Variants in HLCS observed in about 807,000 individuals in gnomAD.
The protein encoded by HLCS is biotin--protein ligase.
A neutral mutation model predicts 75.0 loss-of-function variants in HLCS; 53 were observed. The observed-to-expected ratio is 0.71, with a 90% confidence interval of 0.57 to 0.89. HLCS has a LOEUF of 0.89. Ranked by LOEUF, HLCS falls within the 40% of genes least tolerant of loss-of-function variation. HLCS has a pLI of 0.00. For synonymous variants in HLCS, 431 were observed against 428.6 expected (o/e 1.01, Z -0.07); for missense variants, 966 against 1,074.0 (o/e 0.90, Z 1.41).
At chr21:36,777,999 C>T (rs557228352) in intron 6 of HLCS, among the ~76,000 whole-genome samples, 7 of 152,128 alleles carry the variant, frequency 4.6e-5, no homozygotes, top group Non-Finnish European at 7.4e-5. Context: ...GACACAGTCT[C>T]GCTCTGTCGC....
At chr21:36,824,018 G>C (rs532407222) in intron 6 of HLCS, among the ~76,000 whole-genome samples, 1 of 152,108 alleles carries the variant, frequency 6.6e-6, no homozygotes, top group Admixed American at 6.5e-5. Flanking sequence ...GGTGGCTCAC[G>C]CCTGTAATCC....
intron 2 of HLCS, chr21:36,948,287 T>C (rs1251271542): frequency 5.0e-5 from 5 of 99,474 alleles, no homozygotes; most frequent in Non-Finnish European, 1.0e-4. Context: ...CGACACTCCG[T>C]CTAGAAAAAA....
chr21:36,885,017 A>G (rs1484088913), intron 6 of HLCS, among the ~76,000 whole-genome samples: 4 of 152,238 alleles, frequency 2.6e-5, no homozygotes, highest in Non-Finnish European at 4.4e-5. Context: ...TTTCAAAAAA[A>G]GAGAAGGTTC....
chr21:36,850,890 G>C (rs1037106543), intron 6 of HLCS, among the ~76,000 whole-genome samples: 4 of 152,180 alleles, frequency 2.6e-5, no homozygotes, highest in South Asian at 2.1e-4. Context: ...GCCAGCCAGG[G>C]AAGCAAAGGG....
At chr21:36,938,711 C>A in intron 3 of HLCS, 121 bp downstream of exon 3, 1 of 979,110 alleles carries the variant, frequency 1.0e-6, no homozygotes, top group South Asian at 1.3e-5. Context: ...CTATGCTGCT[C>A]AGGCTGGTCT....
chr21:36,875,468 T>C (rs1028660895), intron 6 of HLCS, among the ~76,000 whole-genome samples: 11 of 152,194 alleles, frequency 7.2e-5, no homozygotes, highest in Non-Finnish European at 1.3e-4. Flanking sequence ...TGGACACATG[T>C]CGGGACAACC....
intron 5 of HLCS, among the ~76,000 whole-genome samples, chr21:36,924,977 T>A (rs74589113): frequency 0.048 from 7,285 of 151,868 alleles, 394 homozygotes; most frequent in African/African-American, 0.14. Context: ...ATATACAATT[T>A]AAAAAAAAGT....
chr21:36,786,238 ACAAT>A (rs2060682977), intron 6 of HLCS, among the ~76,000 whole-genome samples: 1 of 151,574 alleles, frequency 6.6e-6, no homozygotes, highest in Non-Finnish European at 1.5e-5. Context: ...TTGACATCTT[ACAAT>A]CAATCTTCTG....
upstream of HLCS, chr21:36,966,733 C>G (rs953365814): frequency 2.3e-5 from 11 of 475,600 alleles, no homozygotes; most frequent in Non-Finnish European, 3.0e-5. Flanking sequence ...GCCGCCCCCC[C>G]GGGCCAGGCG....
chr21:36,844,245 G>A (rs55939706), intron 6 of HLCS, among the ~76,000 whole-genome samples: 66,711 of 151,496 alleles, frequency 0.44, 16,678 homozygotes, highest in African/African-American at 0.69. Flanking sequence ...ATGAGCCATC[G>A]TGGAACTGAT....
rs542327679 is a variant in HLCS at position 36,983,486 on chromosome 21, C to T, written c.-393+6672G>A. Among the ~76,000 whole-genome samples, 7 of 151,896 alleles carry T rather than the reference C, an allele frequency of 4.6e-5. No individual in the cohort carries two copies. In the South Asian group the frequency reaches 1.3e-3, roughly 27 times the overall value. ...TCGACCTCCCAAAGTGCTAGGATTA[C>T]AGGCACGAGCCACTGCGCCCAGCCT... On this transcript the variant is annotated intron_variant, in intron 1 of 11. Coordinates refer to the HLCS transcript ENST00000336648.
At chr21:36,933,979 T>C (rs2066765897) in intron 4 of HLCS, among the ~76,000 whole-genome samples, 1 of 152,050 alleles carries the variant, frequency 6.6e-6, no homozygotes, top group Non-Finnish European at 1.5e-5. Flanking sequence ...ACTGCTTGGC[T>C]TCACTGTCTT....
At chr21:36,794,868 C>T (rs767679282) in intron 6 of HLCS, among the ~76,000 whole-genome samples, 5 of 152,006 alleles carry the variant, frequency 3.3e-5, no homozygotes, top group African/African-American at 7.3e-5. Context: ...AAGGAAAAAG[C>T]GATGTGCCGT....
At chr21:36,767,949 CA>C (rs2090098551) in intron 6 of HLCS, among the ~76,000 whole-genome samples, 1 of 152,050 alleles carries the variant, frequency 6.6e-6, no homozygotes, top group South Asian at 2.1e-4. Flanking sequence ...TAGAAAAGGG[CA>C]TTACATCCCC....
chr21:36,914,651 A>G (rs1464714930), intron 5 of HLCS, among the ~76,000 whole-genome samples: 1 of 152,220 alleles, frequency 6.6e-6, no homozygotes, highest in African/African-American at 2.4e-5. Context: ...CACCTCCACC[A>G]AGCCAAACAG....
At chr21:36,868,934 CCT>C (rs2063669727) in intron 6 of HLCS, among the ~76,000 whole-genome samples, 1 of 152,066 alleles carries the variant, frequency 6.6e-6, no homozygotes, top group South Asian at 2.1e-4. Flanking sequence ...GTACAACCTC[CCT>C]CTCTCCAAGG....
intron 6 of HLCS, among the ~76,000 whole-genome samples, chr21:36,854,167 CAT>C (rs2063108134): frequency 6.6e-6 from 1 of 152,258 alleles, no homozygotes; most frequent in Non-Finnish European, 1.5e-5. Flanking sequence ...CAATATTTGT[CAT>C]ATGTTAAAAA....
intron 6 of HLCS, among the ~76,000 whole-genome samples, chr21:36,768,985 C>T (rs1044226943): frequency 5.3e-5 from 8 of 151,994 alleles, no homozygotes; most frequent in African/African-American, 1.9e-4. Context: ...GATGATTTAG[C>T]GTGTTGTGAG....
At chr21:36,856,096 T>C (rs1236074294) in intron 6 of HLCS, among the ~76,000 whole-genome samples, 4 of 152,124 alleles carry the variant, frequency 2.6e-5, no homozygotes, top group African/African-American at 9.7e-5. Flanking sequence ...TGACTGCTAA[T>C]GGGTACAGGG....
Sources: allele counts gnomAD v4.1 joint callset (sites outside exome capture counted in the v4.1 genomes callset), GRCh38; gene constraint gnomAD v4.1.1; transcripts MANE v1.5; gene names NCBI Gene and HGNC (gene_info 2026-07-23, HGNC 2026-07-21).